Variants in ZNF875 observed in about 807,000 individuals in gnomAD.
ZNF875 encodes the protein HKR1, GLI-Kruppel zinc finger family member.
Under a neutral mutation model 11.2 loss-of-function variants are expected in ZNF875, and 14 were observed. The observed-to-expected ratio is 1.26, with a 90% confidence interval of 0.83 to 1.96. The LOEUF (loss-of-function observed/expected upper bound fraction) is 1.96. ZNF875 is among the 30% of genes most tolerant of loss of function. ZNF875 has a pLI of 0.00. For synonymous variants in ZNF875, 301 were observed against 281.1 expected (o/e 1.07, Z -0.71); for missense variants, 752 against 760.4 (o/e 0.99, Z 0.13).
intron 4 of ZNF875, chr19:37,328,977 A>C (rs2032964662): frequency 6.6e-6 from 1 of 152,170 alleles, no homozygotes; most frequent in Non-Finnish European, 1.5e-5. Context: ...ATCATGCTGG[A>C]AATACAGATT....
intron 1 of ZNF875, 160 bp from the exon 2 acceptor site, chr19:37,335,009 G>A: frequency 1.8e-6 from 1 of 549,448 alleles, no homozygotes; most frequent in Non-Finnish European, 3.3e-6. Context: ...GCTTGAGGGT[G>A]GCTGGGTCAT....
chr19:37,361,492 CTCTTTT>C (rs2039916413), intron 4 of ZNF875, among the ~76,000 whole-genome samples: 1 of 151,960 alleles, frequency 6.6e-6, no homozygotes, highest in African/African-American at 2.4e-5. Context: ...CTTTCTCTTT[CTCTTTT>C]CTGTGTCTCC....
At chr19:37,313,646 C>T (rs1324252956), upstream of ZNF875, among the ~76,000 whole-genome samples, 1 of 152,140 alleles carries the variant, frequency 6.6e-6, no homozygotes, top group Non-Finnish European at 1.5e-5. Context: ...TTCCCATCCC[C>T]GATTCCAGGA....
intron 4 of ZNF875, chr19:37,329,026 GGAGT>G (rs776280062): frequency 1.3e-5 from 2 of 152,100 alleles, no homozygotes; most frequent in Non-Finnish European, 2.9e-5. Flanking sequence ...AGAAACTCTA[GGAGT>G]GAGACCCAAC....
In ZNF875 at chr19:37,362,402, C is replaced by T. The variant is rs149469668; in HGVS notation, c.550C>T (p.Gln184Ter). ...SKALSSPPEEQQPAQSKEDNT... is the reference protein window; with the variant it reads ...SKALSSPPEE ...GGCACTTTCCAGCCCACCTGAAGAACAACAGCCAGCACAGTCCAAGGAAGA... is the reference window on the plus strand; with the variant it reads ...GGCACTTTCCAGCCCACCTGAAGAATAACAGCCAGCACAGTCCAAGGAAGA... Residue 184 changes from glutamine (Q) to a stop codon, truncating the protein, a stop_gained, in exon 5 of 5, where the codon CAA (glutamine) becomes TAA (stop). Coordinates refer to ENST00000392153, the MANE Select transcript of ZNF875 (RefSeq NM_001353803.2). LOFTEE classifies it low-confidence loss of function (END_TRUNC). 3.3e-5 allele frequency: 54 copies of T among 1,614,090 alleles called. No homozygotes were observed. Among genetic ancestry groups the T allele is most frequent in the Non-Finnish European group, 4.3e-5 (51 of 1,180,030 alleles).
chr19:37,352,463 C>T (rs1489331709), intron 4 of ZNF875, among the ~76,000 whole-genome samples: 8 of 152,176 alleles, frequency 5.3e-5, no homozygotes, highest in African/African-American at 1.7e-4. Context: ...AGGCTGGTCT[C>T]GAACTCCTGG....
upstream of ZNF875, among the ~76,000 whole-genome samples, chr19:37,333,594 C>T (rs1249835024): frequency 1.3e-5 from 2 of 151,974 alleles, no homozygotes; most frequent in African/African-American, 2.4e-5. Context: ...TTGGAGGTGC[C>T]TTGTGGGTGT....
chr19:37,350,441 A>G (rs1423076267), intron 4 of ZNF875, among the ~76,000 whole-genome samples: 2 of 152,054 alleles, frequency 1.3e-5, no homozygotes, highest in African/African-American at 4.8e-5. Flanking sequence ...CAATTTATAA[A>G]AATAATACAG....
Position 37,343,632 on chromosome 19 carries a change from T to C in ZNF875, c.34-3558T>C, listed in dbSNP as rs535265556. 6.6e-5 allele frequency among the ~76,000 whole-genome samples: 10 copies of C among 152,230 alleles called. No homozygotes were observed. The South Asian group carries it at 1.9e-3, about 28-fold the overall frequency. On this transcript the variant is annotated intron_variant, in intron 2 of 4. Transcript: ENST00000392153. ...AGGCAAGCTCAGGTTATTCACATGG[T>C]GGTCTCAAGGTTTCTTGCACAGCGA...
chr19:37,315,677 T>C (rs1435186723), upstream of ZNF875: 1 of 152,114 alleles, frequency 6.6e-6, no homozygotes, highest in East Asian at 1.9e-4. Context: ...AAAGTTTATT[T>C]CTGCAACCGA....
intron 4 of ZNF875, among the ~76,000 whole-genome samples, chr19:37,350,800 T>C (rs1051453524): frequency 3.9e-5 from 3 of 77,752 alleles, no homozygotes; most frequent in African/African-American, 5.8e-5. Context: ...TTCTTTTTGC[T>C]TTTTTTTTTT....
chr19:37,347,636 T>A, intron 3 of ZNF875, 141 bp from the exon 4 acceptor site: 1 of 635,596 alleles, frequency 1.6e-6, no homozygotes, highest in South Asian at 2.0e-5. Context: ...CTTTCCTTAG[T>A]CAACCCTTCT....
upstream of ZNF875, among the ~76,000 whole-genome samples, chr19:37,332,765 A>G (rs1317260333): frequency 6.6e-6 from 1 of 152,204 alleles, no homozygotes; most frequent in Non-Finnish European, 1.5e-5. Context: ...TTTTAACTAG[A>G]CATGTTCCCT....
intron 1 of ZNF875, among the ~76,000 whole-genome samples, chr19:37,321,798 A>G (rs1011551005): frequency 6.6e-6 from 1 of 152,172 alleles, no homozygotes; most frequent in African/African-American, 2.4e-5. Flanking sequence ...GAGAGAGGAC[A>G]TCGATTCTGC....
chr19:37,363,664 T>C lies in ZNF875; in HGVS notation c.1812T>C (p.Ile604=). 6.2e-7 allele frequency: 1 copy of C among 1,611,858 alleles called. No homozygotes were observed. The highest frequency in any genetic ancestry group is 8.5e-7 in the Non-Finnish European group (1 of 1,179,080). Residue 604 remains isoleucine, a synonymous_variant, in exon 5 of 5, where the codon ATT becomes ATC. Coordinates refer to ENST00000392153, the MANE Select transcript of ZNF875 (RefSeq NM_001353803.2). ...GCTTTAGCCGGCAGTCACACCTCAT[T>C]AGACACCAGAGGACACATTCAGGAG... ...GQGFSRQSHL[I]RHQRTHSGEK... is the part of the protein sequence containing the mutation.
At chr19:37,313,754 G>GTA (rs1352230170), upstream of ZNF875, among the ~76,000 whole-genome samples, 1 of 151,982 alleles carries the variant, frequency 6.6e-6, no homozygotes, top group Non-Finnish European at 1.5e-5. Flanking sequence ...TTGTGTGTGT[G>GTA]TGTGTGTGTG....
At chr19:37,337,065 G>C (rs559000744) in intron 2 of ZNF875, among the ~76,000 whole-genome samples, 15 of 152,278 alleles carry the variant, frequency 9.9e-5, no homozygotes, top group Non-Finnish European at 1.9e-4. Context: ...CAGATTCCCT[G>C]CTTCTCTGAA....
upstream of ZNF875, among the ~76,000 whole-genome samples, chr19:37,333,041 G>A (rs1483041627): frequency 2.0e-5 from 3 of 152,130 alleles, no homozygotes; most frequent in Admixed American, 6.5e-5. Context: ...TTTCTGTAGA[G>A]TTTCATTCTG....
Position 37,362,568 on chromosome 19 carries a change from C to T in ZNF875, c.716C>T (p.Ser239Leu), listed in dbSNP as rs1568665196. ...EEFGPGFIKESNLLSLQKTQT... is the reference protein window; with the variant it reads ...EEFGPGFIKELNLLSLQKTQT... ...TTTGGGCCAGGCTTTATCAAGGAGT[C>T]AAACCTCCTTAGCCTCCAGAAGACA... is the stretch of plus-strand genomic sequence containing the variant. The change falls in exon 5 of 5, where the codon TCA becomes TTA. Residue 239 changes from serine (S) to leucine (L), a missense_variant. Coordinates refer to ENST00000392153, the MANE Select transcript of ZNF875 (RefSeq NM_001353803.2). 1.2e-6 allele frequency: 2 copies of T among 1,614,172 alleles called. No individual in the cohort carries two copies. The highest frequency in any genetic ancestry group is 3.3e-4 in the Middle Eastern group (2 of 6,062).
Sources: gnomAD v4.1 joint callset for allele counts (sites outside exome capture counted in the v4.1 genomes callset) on GRCh38, gnomAD v4.1.1 for gene constraint, MANE v1.5 for transcripts, NCBI Gene and HGNC (gene_info 2026-07-23, HGNC 2026-07-21) for gene names.